SYNE3: variants seen among roughly 807,000 people sequenced by gnomAD.
SYNE3 encodes the protein nesprin-3.
In SYNE3, 100 loss-of-function variants were observed where a neutral mutation model predicts 111.2. That is an observed-to-expected ratio of 0.90 (90% CI 0.77 to 1.06). The LOEUF is 1.06. Ranked by LOEUF, SYNE3 falls within the 50% of genes least tolerant of loss-of-function variation. The pLI, the probability that SYNE3 is intolerant of heterozygous loss-of-function variation, is 0.00. For synonymous variants in SYNE3, 547 were observed against 533.9 expected (o/e 1.02, Z -0.34); for missense variants, 1,160 against 1,240.3 (o/e 0.94, Z 0.97).
intron 16 of SYNE3, 133 bp from the exon 17 acceptor site, chr14:95,432,250 T>G: frequency 9.7e-7 from 1 of 1,033,704 alleles, no homozygotes; most frequent in Non-Finnish European, 1.4e-6. Context: ...TCTGGTCATC[T>G]GGACAGCCTG....
At chr14:95,432,270 A>G (rs17092197) in intron 16 of SYNE3, among the ~76,000 whole-genome samples, 153 bp from the exon 17 acceptor site, 51,730 of 152,214 alleles carry the variant, frequency 0.34, 10,623 homozygotes, top group African/African-American at 0.57. Context: ...GAGCCAGCAG[A>G]TGATTCGATT....
At chr14:95,462,345 T>C (rs1887885368) in intron 4 of SYNE3, among the ~76,000 whole-genome samples, 1 of 152,190 alleles carries the variant, frequency 6.6e-6, no homozygotes, top group Non-Finnish European at 1.5e-5. Flanking sequence ...TCCTCAAGCT[T>C]GCAGGAAGAC....
rs371561506 is a variant in SYNE3 at position 95,467,982 on chromosome 14, C to G, written c.145-15G>C. The G allele has an allele frequency of 4.4e-5, 70 of 1,598,816 alleles. No individual in the cohort carries two copies. The Middle Eastern group carries it at 1.1e-3, about 25-fold the overall frequency. On this transcript the variant is annotated splice_polypyrimidine_tract_variant and intron_variant, in intron 2 of 17. Transcript: ENST00000682763. Reference sequence around the variant, plus strand: ...TGGCATATTTTCTGTTGTGGACACACAAGCCAGTTTCCAGGGTTGGCAAAA... The same window carrying G: ...TGGCATATTTTCTGTTGTGGACACAGAAGCCAGTTTCCAGGGTTGGCAAAA...
chr14:95,450,176 C>T (rs948694061), intron 7 of SYNE3, 71 bp from the exon 8 acceptor site: 2 of 1,499,710 alleles, frequency 1.3e-6, no homozygotes, highest in African/African-American at 2.8e-5. Context: ...GAGGCCTCCG[C>T]CAAGACCCTC....
rs1595162255 is a variant in SYNE3, at chr14:95,411,332, A to AG, written c.*6493_*6494insC. The AG allele has an allele frequency of 2.6e-5, 4 of 151,868 alleles. No homozygotes were observed. The East Asian group carries it at 7.7e-4, about 29-fold the overall frequency. The allele number at this position is 151,868 out of a possible 1,614,324, so 9.4% of individuals were successfully genotyped here. A position where few individuals can be genotyped will look rare whatever the true frequency, so the allele number is the denominator to read the frequency against. On this transcript the variant is annotated 3_prime_UTR_variant, in exon 18 of 18. Transcript: ENST00000682763. ...TTTTAACATAAATTCAAAAAAAAAA[A>AG]AAGAAAAAAGAAAAGGAGACCAGAA...
At chr14:95,484,065 C>G (rs528961525) in intron 1 of SYNE3, among the ~76,000 whole-genome samples, 1 of 152,366 alleles carries the variant, frequency 6.6e-6, no homozygotes, top group Admixed American at 6.5e-5. Flanking sequence ...TTTCCAGTCT[C>G]TCTTCAATGA....
intron 7 of SYNE3, chr14:95,451,236 A>C (rs1488542528): frequency 6.6e-6 from 1 of 152,242 alleles, no homozygotes; most frequent in Non-Finnish European, 1.5e-5. Flanking sequence ...TGACCAAGGA[A>C]TACAAGCCTT....
At chr14:95,439,190 T>C in intron 13 of SYNE3, 28 bp from the exon 14 acceptor site, 1 of 1,613,614 alleles carries the variant, frequency 6.2e-7, no homozygotes, top group South Asian at 1.1e-5. Flanking sequence ...GCCCAGTCAA[T>C]GCAGAGATGT....
chr14:95,504,662 C>T (rs1319119666), intron 1 of SYNE3, among the ~76,000 whole-genome samples: 1 of 152,142 alleles, frequency 6.6e-6, no homozygotes, highest in Non-Finnish European at 1.5e-5. Context: ...CAGGGCCTCA[C>T]GGTGTGAATT....
intron 10 of SYNE3, chr14:95,444,148 T>C: frequency 2.9e-6 from 1 of 348,690 alleles, no homozygotes; most frequent in Non-Finnish European, 5.1e-6. Flanking sequence ...TTATTCTTAA[T>C]CCCAAAGTTG....
At chr14:95,430,002 A>AAGGAAGGAAGGAAGGAAGGAAG (rs1246807380) in intron 17 of SYNE3, 9 of 231,156 alleles carry the variant, frequency 3.9e-5, no homozygotes, top group African/African-American at 3.3e-4. Flanking sequence ...AAGGAAGGAA[A>AAGGAAGGAAGGAAGGAAGGAAG]GAAGGGAGGG....
At chr14:95,432,588 T>C (rs1262683898) in intron 16 of SYNE3, among the ~76,000 whole-genome samples, 2 of 151,956 alleles carry the variant, frequency 1.3e-5, no homozygotes, top group African/African-American at 2.4e-5. Flanking sequence ...AGGGCTGTTA[T>C]AAGGACATAG....
intron 1 of SYNE3, among the ~76,000 whole-genome samples, chr14:95,494,983 G>C (rs914148607): frequency 1.3e-5 from 2 of 152,102 alleles, no homozygotes; most frequent in Admixed American, 1.3e-4. Context: ...GTGGTGGCAG[G>C]CACCTGTAAT....
rs1285084487 is a variant in SYNE3 at position 95,444,561 on chromosome 14, A to C, written c.1700T>G (p.Leu567Arg). ...FEPLQRKLLDLQVRVQAEKGL... is the reference protein window; with the variant it reads ...FEPLQRKLLDRQVRVQAEKGL... ...CTTCTCGGCTTGGACCCTGACCTGGAGGTCCAAGAGCTTCCTCTGCAGGGG... is the reference window on the plus strand; with the variant it reads ...CTTCTCGGCTTGGACCCTGACCTGGCGGTCCAAGAGCTTCCTCTGCAGGGG... The change falls in exon 10 of 18, where the codon CTC (leucine) becomes CGC (arginine). Residue 567 changes from leucine (L) to arginine (R), a missense_variant. Transcript: ENST00000682763. 5.0e-6 allele frequency: 8 copies of C among 1,613,432 alleles called. No homozygotes were observed. Among genetic ancestry groups the C allele is most frequent in the Non-Finnish European group, 6.8e-6 (8 of 1,179,600 alleles).
intron 15 of SYNE3, among the ~76,000 whole-genome samples, chr14:95,434,312 G>T (rs112099351): frequency 1.3e-3 from 205 of 152,280 alleles, no homozygotes; most frequent in African/African-American, 4.8e-3. Context: ...ATCTGCTTTT[G>T]CCCACAGAAC....
intron 4 of SYNE3, among the ~76,000 whole-genome samples, chr14:95,461,803 G>A (rs1270284710): frequency 1.3e-5 from 2 of 152,254 alleles, no homozygotes; most frequent in Non-Finnish European, 2.9e-5. Context: ...TTATGCAGGG[G>A]AGGTCTTCAT....
At chr14:95,451,940 G>A in intron 7 of SYNE3, 1 of 208,194 alleles carries the variant, frequency 4.8e-6, no homozygotes, top group Non-Finnish European at 9.5e-6. Context: ...CTATTGAAAA[G>A]CCCTCCCTTT....
chr14:95,498,029 TAAAAAAAA>T (rs59849522), intron 1 of SYNE3, among the ~76,000 whole-genome samples: 1 of 135,294 alleles, frequency 7.4e-6, no homozygotes, highest in African/African-American at 2.7e-5. Flanking sequence ...TCCCAACTCT[TAAAAAAAA>T]AAAAAAGGAA....
chr14:95,450,121 AG>A lies in SYNE3; in HGVS notation c.1275-17del. 1.3e-6 allele frequency: 2 copies of A among 1,566,920 alleles called. No individual in the cohort carries two copies. The highest frequency in any genetic ancestry group is 1.2e-5 in the South Asian group (1 of 85,366). On this transcript the variant is annotated splice_polypyrimidine_tract_variant and intron_variant, in intron 7 of 17. Coordinates refer to ENST00000682763, the MANE Select transcript of SYNE3 (RefSeq NM_152592.6). ...CACCTTCAGGCTGCAAGGAGCGTGGAGGGAGAAAATGAGGGAGGAGAGAGAG... is the reference window on the plus strand; with the variant it reads ...CACCTTCAGGCTGCAAGGAGCGTGGAGGAGAAAATGAGGGAGGAGAGAGAG...
Sources: allele counts gnomAD v4.1 joint callset (sites outside exome capture counted in the v4.1 genomes callset), GRCh38; gene constraint gnomAD v4.1.1; transcripts MANE v1.5; gene names NCBI Gene and HGNC (gene_info 2026-07-23, HGNC 2026-07-21).